Variants in CLDND1 observed in about 807,000 individuals in gnomAD.
The protein encoded by CLDND1 is claudin domain-containing protein 1.
A neutral mutation model predicts 26.3 loss-of-function variants in CLDND1; 13 were observed. The observed-to-expected ratio is 0.49, with a 90% CI of 0.32 to 0.78. The LOEUF (loss-of-function observed/expected upper bound fraction) is 0.78. Ranked by LOEUF, CLDND1 falls within the 30% of genes least tolerant of loss-of-function variation. The pLI, the probability that CLDND1 is intolerant of heterozygous loss-of-function variation, is 0.03. For missense variants in CLDND1, 289 were observed against 312.8 expected, an observed-to-expected ratio of 0.92 and a Z score of 0.57; for synonymous variants, 107 against 107.0, an observed-to-expected ratio of 1.00 and a Z score of 0.00.
In CLDND1 at chr3:98,515,728, A is replaced by T; in HGVS notation, c.*931T>A. The T allele has an allele frequency of 7.8e-7, 1 of 1,289,722 alleles. No individual in the cohort carries two copies. The highest frequency in any genetic ancestry group is 1.0e-6 in the Non-Finnish European group (1 of 988,800). 79.9% of individuals were successfully genotyped at this position (1,289,722 alleles called of 1,614,324 possible). A position where few individuals can be genotyped will look rare whatever the true frequency, so the allele number is the denominator to read the frequency against. Reference sequence around the variant, plus strand: ...GGCACATCATATTACCACAAGAAATAAAGACCATAGTTGGAGGTTAATGGA... The same window carrying T: ...GGCACATCATATTACCACAAGAAATTAAGACCATAGTTGGAGGTTAATGGA... On this transcript the variant is annotated 3_prime_UTR_variant, in exon 5 of 5. Coordinates refer to ENST00000341181, the MANE Select transcript of CLDND1 (RefSeq NM_001040181.2).
chr3:98,517,218 G>A (rs1370499275), intron 3 of CLDND1, 29 bp from the exon 4 acceptor site: 2 of 1,603,746 alleles, frequency 1.2e-6, no homozygotes, highest in African/African-American at 1.3e-5. Flanking sequence ...GAAAAGAAAT[G>A]TTACCGTGAT....
intron 1 of CLDND1, 194 bp from the exon 2 acceptor site, chr3:98,521,636 A>C: frequency 1.2e-6 from 2 of 1,602,092 alleles, no homozygotes; most frequent in East Asian, 4.5e-5. Context: ...AAAAGTACTT[A>C]TTGAATGCTC....
Position 98,515,514 on chromosome 3 carries a change from A to G in CLDND1, c.*1145T>C. The G allele has an allele frequency of 1.3e-6, 1 of 790,010 alleles. No individual in the cohort carries two copies. The highest frequency in any genetic ancestry group is 1.6e-6 in the Non-Finnish European group (1 of 622,470). The allele number at this position is 790,010 out of a possible 1,614,324, so 48.9% of individuals were successfully genotyped here. A position where few individuals can be genotyped will look rare whatever the true frequency, so the allele number is the denominator to read the frequency against. On this transcript the variant is annotated 3_prime_UTR_variant, in exon 5 of 5. Transcript: ENST00000341181. ...TTCATTTTTAATTTTATTTTTTAAAAAAGACATTGAGGTTATGGTAAGAAA... is the reference window on the plus strand; with the variant it reads ...TTCATTTTTAATTTTATTTTTTAAAGAAGACATTGAGGTTATGGTAAGAAA...
Position 98,516,559 on chromosome 3 carries a change from T to C in CLDND1, c.*100A>G, listed in dbSNP as rs1275623895. The stretch of plus-strand genomic sequence containing the variant: ...AATAGATTTTCATAATAAAATGGTA[T>C]ATCCACAAATAAAAATTAAAAACAA... On this transcript the variant is annotated 3_prime_UTR_variant, in exon 5 of 5. Transcript: ENST00000341181. 10 of 1,442,900 alleles carry C rather than the reference T, an allele frequency of 6.9e-6. No homozygotes were observed. In the East Asian group the frequency reaches 1.0e-4, roughly 14 times the overall value. 89.4% of individuals were successfully genotyped at this position (1,442,900 alleles called of 1,614,324 possible).
intron 1 of CLDND1, chr3:98,521,735 C>T (rs879882806): frequency 2.5e-6 from 4 of 1,584,612 alleles, no homozygotes; most frequent in Non-Finnish European, 3.5e-6. Context: ...TGGACATACA[C>T]ATTACAGATA....
intron 2 of CLDND1, chr3:98,520,899 C>A: frequency 2.3e-6 from 1 of 426,724 alleles, no homozygotes; most frequent in South Asian, 7.1e-5. Context: ...AAAAAAAAAG[C>A]CATTAAGGCT....
At position 98,516,669 on chromosome 3, in the gene CLDND1, C is replaced by G. The variant is rs147410947; in HGVS notation, c.752G>C (p.Arg251Pro). The G allele has an allele frequency of 3.2e-5, 51 of 1,613,966 alleles. No individual in the cohort carries two copies. In the South Asian group the frequency reaches 4.7e-4, roughly 15 times the overall value. Residue 251 changes from arginine (R) to proline (P), a missense_variant, in exon 5 of 5, where the codon CGT (arginine) becomes CCT (proline). Physicochemically the swap from Arg to Pro is moderately radical, Grantham distance 103 (BLOSUM62 -2). Coordinates refer to ENST00000341181, the MANE Select transcript of CLDND1 (RefSeq NM_001040181.2). ...CAGGCAGTTTCTTGCTCATGCCACA[C>G]GATATGCCTTCATTAAGGTGTACTC... ...RKEYTLMKAY[R>P]VA
At chr3:98,522,667 C>T in intron 1 of CLDND1, 182 bp downstream of exon 1, 2 of 1,429,944 alleles carry the variant, frequency 1.4e-6, no homozygotes, top group Non-Finnish European at 1.8e-6. Flanking sequence ...TGCTCGGCCC[C>T]GGGCCAGGGT....
chr3:98,520,127 G>A (rs946037005), intron 2 of CLDND1, among the ~76,000 whole-genome samples: 14 of 152,116 alleles, frequency 9.2e-5, no homozygotes, highest in African/African-American at 2.9e-4. Flanking sequence ...TAAGGATTTT[G>A]TTCTTTCCTG....
At chr3:98,522,826 C>T (rs1465173156) in intron 1 of CLDND1, 23 bp downstream of exon 1, 3 of 1,613,742 alleles carry the variant, frequency 1.9e-6, no homozygotes, top group East Asian at 4.5e-5. Flanking sequence ...CCCTGCCCGG[C>T]GACGCAGGTC....
At position 98,521,337 on chromosome 3, in the gene CLDND1, C is replaced by A. The variant is rs1226782987; in HGVS notation, c.88G>T (p.Asp30Tyr). Residue 30 changes from aspartate to tyrosine, a missense_variant, in exon 2 of 5, where the codon GAC (aspartate) becomes TAC (tyrosine). Physicochemically the swap from Asp to Tyr is radical, Grantham distance 160. Transcript: ENST00000341181. ...GGACTTCGATATTCATACCAGAAGT[C>A]TGTGCCAATGGAGGCTGCCATGTAG... ...TIYMAASIGTDFWYEYRSPVQ... is the reference protein window; with the variant it reads ...TIYMAASIGTYFWYEYRSPVQ... 1 of 1,614,196 alleles carries A rather than the reference C, an allele frequency of 6.2e-7. No individual in the cohort carries two copies. The highest frequency in any genetic ancestry group is 2.2e-5 in the East Asian group (1 of 44,884).
In CLDND1 at chr3:98,516,290, G is replaced by A. The variant is rs780479176; in HGVS notation, c.*369C>T. The A allele has an allele frequency of 2.0e-5, 21 of 1,038,380 alleles. No homozygotes were observed. Among genetic ancestry groups the A allele is most frequent in the Non-Finnish European group, 2.2e-5 (19 of 863,020 alleles). The allele number at this position is 1,038,380 out of a possible 1,614,324, so 64.3% of individuals were successfully genotyped here. On this transcript the variant is annotated 3_prime_UTR_variant, in exon 5 of 5. Transcript: ENST00000341181. ...GAGGTTTCCCAAAGAAACTAATATA[G>A]AGTTTTTAGTTGAACAGATACAGTT...
chr3:98,516,462 C>A lies in CLDND1; in HGVS notation c.*197G>T. On this transcript the variant is annotated 3_prime_UTR_variant, in exon 5 of 5. Coordinates refer to ENST00000341181, the MANE Select transcript of CLDND1 (RefSeq NM_001040181.2). ...CTAGATTAGTTTATTTGAAAGATGGCATCGCTTAAAGTAAACCACATAAAT... is the reference window on the plus strand; with the variant it reads ...CTAGATTAGTTTATTTGAAAGATGGAATCGCTTAAAGTAAACCACATAAAT... 1 of 1,355,378 alleles carries A rather than the reference C, an allele frequency of 7.4e-7. No homozygotes were observed. Among genetic ancestry groups the A allele is most frequent in the Non-Finnish European group, 9.4e-7 (1 of 1,058,746 alleles). 84.0% of individuals were successfully genotyped at this position (1,355,378 alleles called of 1,614,324 possible). A position where few individuals can be genotyped will look rare whatever the true frequency, so the allele number is the denominator to read the frequency against.
intron 2 of CLDND1, 169 bp from the exon 3 acceptor site, chr3:98,519,164 G>C: frequency 3.6e-6 from 2 of 560,904 alleles, no homozygotes; most frequent in South Asian, 2.3e-5. Flanking sequence ...GATGCCACTG[G>C]TTCTCAGTGG....
rs1706400478 is a variant in CLDND1, at chr3:98,521,359, G to A, written c.66C>T (p.Tyr22=). ...AGTCTGTGCCAATGGAGGCTGCCAT[G>A]TAGATGGTGGAAATGAGGCTAAGCA... The part of the protein sequence containing the change: ...ACVLSLISTI[Y]MAASIGTDFW... Residue 22 remains tyrosine (Y), a synonymous_variant, in exon 2 of 5, where the codon TAC becomes TAT. Coordinates refer to ENST00000341181, the MANE Select transcript of CLDND1 (RefSeq NM_001040181.2). The A allele has an allele frequency of 1.2e-6, 2 of 1,614,090 alleles. No individual in the cohort carries two copies. Among genetic ancestry groups the A allele is most frequent in the Non-Finnish European group, 1.7e-6 (2 of 1,180,036 alleles).
intron 1 of CLDND1, chr3:98,521,801 A>G (rs568500300): frequency 9.4e-7 from 1 of 1,067,742 alleles, no homozygotes; most frequent in East Asian, 2.5e-5. Context: ...TTTAAATTAC[A>G]GACTGAATTT....
At chr3:98,518,265 T>A (rs984858917) in intron 3 of CLDND1, among the ~76,000 whole-genome samples, 8 of 152,194 alleles carry the variant, frequency 5.3e-5, no homozygotes, top group African/African-American at 1.9e-4. Flanking sequence ...TAAAACTGAA[T>A]ACCTACCTCT....
Position 98,522,856 on chromosome 3 carries a change from C to G in CLDND1, c.-26G>C. 1 of 1,613,796 alleles carries G rather than the reference C, an allele frequency of 6.2e-7. No homozygotes were observed. ...CAGGTCCCGCTCACTCACCGCCCAT[C>G]CTCCTGCTCCGCCAGCTTCACCCTC... On this transcript the variant is annotated 5_prime_UTR_variant, in exon 1 of 5. Coordinates refer to ENST00000341181, the MANE Select transcript of CLDND1 (RefSeq NM_001040181.2).
In CLDND1 at chr3:98,517,037, G is replaced by A; in HGVS notation, c.541+15C>T. 1 of 1,613,574 alleles carries A rather than the reference G, an allele frequency of 6.2e-7. No individual in the cohort carries two copies. The highest frequency in any genetic ancestry group is 2.2e-5 in the East Asian group (1 of 44,884). On this transcript the variant is annotated intron_variant, in intron 4 of 4. Coordinates refer to ENST00000341181, the MANE Select transcript of CLDND1 (RefSeq NM_001040181.2). ...CAGGAAGAAGCTAAAAGGTAAGTAT[G>A]ATGACAAAACCTACCTGCAAGGAGA...
Sources: gnomAD v4.1 joint callset for allele counts (sites outside exome capture counted in the v4.1 genomes callset) on GRCh38, gnomAD v4.1.1 for gene constraint, MANE v1.5 for transcripts, NCBI Gene and HGNC (gene_info 2026-07-23, HGNC 2026-07-21) for gene names.